Variants in NPHP4 observed in about 807,000 individuals in gnomAD.
NPHP4 encodes nephrocystin 4.
Under a neutral mutation model 155.8 loss-of-function variants are expected in NPHP4, and 151 were observed. The ratio of observed to expected loss-of-function variants is 0.97; its 90% CI spans 0.85 to 1.11. NPHP4 has a LOEUF of 1.11. Among genes scored for constraint, NPHP4 ranks in the 50% least tolerant of loss-of-function variants. NPHP4 has a pLI of 0.00. For missense variants in NPHP4, 1,956 were observed against 1,925.7 expected (o/e 1.02, Z -0.29); for synonymous variants, 845 against 816.8 (o/e 1.03, Z -0.59).
At chr1:5,876,292 A>ATGCCCTGGCCC (rs1303201764) in intron 20 of NPHP4, 1 of 152,290 alleles carries the variant, frequency 6.6e-6, no homozygotes, top group African/African-American at 2.4e-5. Context: ...GGCCCCAGTC[A>ATGCCCTGGCCC]TGCCCTGGCC....
intron 2 of NPHP4, among the ~76,000 whole-genome samples, chr1:5,984,265 G>A (rs926001635): frequency 2.6e-5 from 4 of 152,100 alleles, no homozygotes; most frequent in African/African-American, 9.7e-5. Context: ...CCGGGCATGT[G>A]GCTACACCTG....
At chr1:5,916,031 T>G (rs1344135319) in intron 11 of NPHP4, among the ~76,000 whole-genome samples, 1 of 152,140 alleles carries the variant, frequency 6.6e-6, no homozygotes, top group Non-Finnish European at 1.5e-5. Context: ...AATTACATGT[T>G]TGCAATGACC....
In NPHP4 at chr1:5,875,120, G is replaced by A. The variant is rs794727344; in HGVS notation, c.2818-20C>T. 3.8e-6 allele frequency: 6 copies of A among 1,560,442 alleles called. No individual in the cohort carries two copies. In the African/African-American group the frequency reaches 8.1e-5, roughly 21 times the overall value. On this transcript the variant is annotated intron_variant, in intron 20 of 29. Coordinates refer to ENST00000378156, the MANE Select transcript of NPHP4 (RefSeq NM_015102.5). ...CTGCGCCTGCAGACAAGAGGACATG[G>A]GTGGACAGGGTCCCAGGCACACTCT...
intron 16 of NPHP4, among the ~76,000 whole-genome samples, chr1:5,891,338 G>C (rs562555106): frequency 6.6e-6 from 1 of 152,338 alleles, no homozygotes; most frequent in East Asian, 1.9e-4. Context: ...TGGCTAGGGA[G>C]TTTATTATTC....
chr1:5,878,412 G>T (rs1317883499), intron 19 of NPHP4, among the ~76,000 whole-genome samples: 1 of 152,248 alleles, frequency 6.6e-6, no homozygotes, highest in Non-Finnish European at 1.5e-5. Flanking sequence ...GCTGTGAGTG[G>T]AGGGACCTGG....
At chr1:5,960,235 A>C (rs1343506887) in intron 6 of NPHP4, among the ~76,000 whole-genome samples, 1 of 151,568 alleles carries the variant, frequency 6.6e-6, no homozygotes, top group African/African-American at 2.4e-5. Flanking sequence ...CCAGACTGCG[A>C]CCCCACGCTT....
At chr1:5,956,287 C>T (rs1411833145) in intron 6 of NPHP4, among the ~76,000 whole-genome samples, 1 of 152,196 alleles carries the variant, frequency 6.6e-6, no homozygotes, top group Non-Finnish European at 1.5e-5. Flanking sequence ...TCTGTGTGGC[C>T]ACCTCATGAC....
At chr1:5,970,387 C>T (rs1652341931) in intron 3 of NPHP4, among the ~76,000 whole-genome samples, 1 of 151,980 alleles carries the variant, frequency 6.6e-6, no homozygotes, top group African/African-American at 2.4e-5. Context: ...CCTGTGGTCC[C>T]AGCTACTTAG....
At chr1:5,874,103 T>C (rs941541066) in intron 22 of NPHP4, among the ~76,000 whole-genome samples, 1 of 152,180 alleles carries the variant, frequency 6.6e-6, no homozygotes, top group Admixed American at 6.5e-5. Flanking sequence ...CAAAGCTGCA[T>C]CTTGCATAGA....
chr1:5,952,259 G>A (rs1366687340), intron 7 of NPHP4, among the ~76,000 whole-genome samples: 6 of 152,222 alleles, frequency 3.9e-5, no homozygotes, highest in Non-Finnish European at 7.3e-5. Flanking sequence ...TGTCCCCGCC[G>A]ACGTCCTCTG....
rs1263121136 is a variant in NPHP4 at position 5,877,251 on chromosome 1, G to T, written c.2659C>A (p.Leu887Met). The change falls in exon 20 of 30, where the codon CTG becomes ATG. Residue 887 changes from leucine to methionine, a missense_variant. By Grantham distance (15) the Leu-to-Met change is conservative. Transcript: ENST00000378156. The part of the protein sequence containing the change: ...AQKLADVDSE[L>M]AAMLLTHARQ... ...GCATGGGTCAGTAGCATGGCAGCCAGCTCACTGTCCACGTCCGCCAGCTTC... is the reference window on the plus strand; with the variant it reads ...GCATGGGTCAGTAGCATGGCAGCCATCTCACTGTCCACGTCCGCCAGCTTC... 1 of 1,608,176 alleles carries T rather than the reference G, an allele frequency of 6.2e-7. No individual in the cohort carries two copies. The highest frequency in any genetic ancestry group is 8.5e-7 in the Non-Finnish European group (1 of 1,175,960).
intron 7 of NPHP4, among the ~76,000 whole-genome samples, chr1:5,950,785 CT>C (rs2101975197): frequency 6.6e-6 from 1 of 152,272 alleles, no homozygotes; most frequent in East Asian, 1.9e-4. Context: ...AAAAAAGTCC[CT>C]TTTACTTCCT....
In NPHP4 at chr1:5,890,537, C is replaced by T. The variant is rs1644066761; in HGVS notation, c.2304+331G>A. Among the ~76,000 whole-genome samples the T allele has an allele frequency of 6.6e-6, 1 of 152,282 alleles. No homozygotes were observed. Reference sequence around the variant, plus strand: ...CCATTCATTCATCCTCAACCCACCTCGGATGCACCTGCCCTCACCACATTC... The same window carrying T: ...CCATTCATTCATCCTCAACCCACCTTGGATGCACCTGCCCTCACCACATTC... On this transcript the variant is annotated intron_variant, in intron 17 of 29. Coordinates refer to ENST00000378156, the MANE Select transcript of NPHP4 (RefSeq NM_015102.5). This position sits in a 1 kb window ranked among gnomAD's most constrained non-coding sequence, Gnocchi z 4.9.
Position 5,905,367 on chromosome 1 carries a change from G to A in NPHP4, c.1880C>T (p.Thr627Met), listed in dbSNP as rs199891059. 160 of 1,613,870 alleles carry A rather than the reference G, an allele frequency of 9.9e-5. No homozygotes were observed. The South Asian group carries it at 1.3e-3, about 13-fold the overall frequency. ...AEAVSATEPV[T>M]FNPQKEESDC... The stretch of plus-strand genomic sequence containing the variant: ...TGATTCTTCCTTCTGAGGGTTAAAC[G>A]TCACAGGTTCTGTAGCGCTGACAGC... The change falls in exon 15 of 30, where the codon ACG becomes ATG. Residue 627 changes from threonine (T) to methionine (M), a missense_variant. By Grantham distance (81) the Thr-to-Met change is moderately conservative. Transcript: ENST00000378156. The surrounding 1 kb of genome is among the most constrained non-coding windows in gnomAD (Gnocchi z 4.0).
At chr1:5,981,177 T>G (rs888209683) in intron 2 of NPHP4, among the ~76,000 whole-genome samples, 3 of 152,182 alleles carry the variant, frequency 2.0e-5, no homozygotes, top group East Asian at 1.9e-4. Flanking sequence ...CCTCCTCTCC[T>G]GCACTCTCAG....
intron 6 of NPHP4, 136 bp downstream of exon 6, chr1:5,961,658 C>T (rs534705775): frequency 8.0e-6 from 6 of 753,324 alleles, no homozygotes; most frequent in South Asian, 1.6e-5. Flanking sequence ...CCACAACCCC[C>T]GCCAGGCCGT....
At chr1:5,964,917 T>TTTTA (rs1348270275) in intron 5 of NPHP4, among the ~76,000 whole-genome samples, 1 of 82,640 alleles carries the variant, frequency 1.2e-5, no homozygotes, top group Non-Finnish European at 2.1e-5. Context: ...TACATATATA[T>TTTTA]TATATATATA....
rs1645130864 is a variant in NPHP4, at chr1:5,910,582, C to T, written c.1442-1369G>A. Among the ~76,000 whole-genome samples, 1 of 152,190 alleles carries T rather than the reference C, an allele frequency of 6.6e-6. No individual in the cohort carries two copies. Among genetic ancestry groups the T allele is most frequent in the African/African-American group, 2.4e-5 (1 of 41,446 alleles). ...GCCGGCACTTACGGGACCTACGGAC[C>T]AAGCACACAGCACAGAGGCCTGTGA... On this transcript the variant is annotated intron_variant, in intron 11 of 29. Coordinates refer to ENST00000378156, the MANE Select transcript of NPHP4 (RefSeq NM_015102.5). The surrounding 1 kb of genome is among the most constrained non-coding windows in gnomAD (Gnocchi z 5.4).
chr1:5,945,688 G>A (rs1255174604), intron 9 of NPHP4, among the ~76,000 whole-genome samples: 1 of 152,192 alleles, frequency 6.6e-6, no homozygotes, highest in African/African-American at 2.4e-5. Flanking sequence ...GCCCAGTCGC[G>A]ATGGCAGGCC....
Sources: allele counts gnomAD v4.1 joint callset (sites outside exome capture counted in the v4.1 genomes callset), GRCh38; gene constraint gnomAD v4.1.1; non-coding constraint Gnocchi (gnomAD v3.1); transcripts MANE v1.5; gene names NCBI Gene and HGNC (gene_info 2026-07-23, HGNC 2026-07-21).